The following AGPAT4 variants were observed in gnomAD, a reference collection of about 807,000 sequenced individuals.
The protein encoded by AGPAT4 is 1-acyl-sn-glycerol-3-phosphate acyltransferase delta.
A neutral mutation model predicts 48.0 loss-of-function variants in AGPAT4; 15 were observed. The ratio of observed to expected loss-of-function variants is 0.31; its 90% confidence interval spans 0.21 to 0.48. AGPAT4 has a LOEUF of 0.48. Among genes scored for constraint, AGPAT4 ranks in the 20% least tolerant of loss-of-function variants. The pLI, the probability that AGPAT4 is intolerant of heterozygous loss-of-function variation, is 0.99. For missense variants in AGPAT4, 314 were observed against 482.5 expected (o/e 0.65, Z 3.27); for synonymous variants, 178 against 198.7 (o/e 0.90, Z 0.88).
At position 161,146,674 on chromosome 6, in the gene AGPAT4, G is replaced by A. The variant is rs1779440942; in HGVS notation, c.768-75C>T. ...ACATACAGTTTCCAGTAACGGTGCT[G>A]CCGTTTTTTGTTTTTATCTGGGTCA... On this transcript the variant is annotated intron_variant, in intron 6 of 8. Transcript: ENST00000320285. The surrounding 1 kb of genome is among the most constrained non-coding windows in gnomAD (Gnocchi z 7.1). 1 of 1,435,404 alleles carries A rather than the reference G, an allele frequency of 7.0e-7. No homozygotes were observed. Among genetic ancestry groups the A allele is most frequent in the South Asian group, 1.2e-5 (1 of 85,730 alleles). 88.9% of individuals were successfully genotyped at this position (1,435,404 alleles called of 1,614,324 possible).
chr6:161,228,709 A>C (rs1389161012), intron 2 of AGPAT4, among the ~76,000 whole-genome samples: 1 of 144,618 alleles, frequency 6.9e-6, no homozygotes, highest in Non-Finnish European at 1.5e-5. Context: ...CTAGAGATTA[A>C]ATGGCATATC....
Position 161,195,390 on chromosome 6 carries a change from C to T in AGPAT4, c.179-28973G>A, listed in dbSNP as rs910112382. Reference sequence around the variant, plus strand: ...CATTGGGCGGGTTATAAACACCTTTCATTATATGGCATGACCTGCAAGGAA... The same window carrying T: ...CATTGGGCGGGTTATAAACACCTTTTATTATATGGCATGACCTGCAAGGAA... On this transcript the variant is annotated intron_variant, in intron 2 of 8. Coordinates refer to ENST00000320285, the MANE Select transcript of AGPAT4 (RefSeq NM_020133.3). This position sits in a 1 kb window ranked among gnomAD's most constrained non-coding sequence, Gnocchi z 5.0. Among the ~76,000 whole-genome samples, 3 of 152,174 alleles carry T rather than the reference C, an allele frequency of 2.0e-5. No homozygotes were observed. Among genetic ancestry groups the T allele is most frequent in the African/African-American group, 4.8e-5 (2 of 41,450 alleles).
chr6:161,248,469 G>A (rs1782723207), intron 1 of AGPAT4, among the ~76,000 whole-genome samples: 1 of 151,158 alleles, frequency 6.6e-6, no homozygotes, highest in Non-Finnish European at 1.5e-5. Context: ...AGCTCCTCGT[G>A]AGGCTGAGGC....
In AGPAT4 at chr6:161,145,832, T is replaced by C. The variant is rs1381575257; in HGVS notation, c.843+692A>G. The stretch of plus-strand genomic sequence containing the variant: ...ATGACTTGTTTGGGTTTAAAACATA[T>C]GGTGAATCAGAAATAATTTTTTACT... On this transcript the variant is annotated intron_variant, in intron 7 of 8. Transcript: ENST00000320285. 2.0e-5 allele frequency among the ~76,000 whole-genome samples: 3 copies of C among 151,706 alleles called. 1 individual carries two copies. Among genetic ancestry groups the C allele is most frequent in the African/African-American group, 4.9e-5 (2 of 40,964 alleles).
intron 2 of AGPAT4, among the ~76,000 whole-genome samples, chr6:161,187,943 A>T (rs1300818535): frequency 1.3e-5 from 2 of 152,216 alleles, no homozygotes; most frequent in Non-Finnish European, 2.9e-5. Context: ...TACCTGCTCT[A>T]AATTTTCATC....
At position 161,221,073 on chromosome 6, in the gene AGPAT4, G is replaced by A. The variant is rs969930081; in HGVS notation, c.178+10963C>T. On this transcript the variant is annotated intron_variant, in intron 2 of 8. Transcript: ENST00000320285. This position sits in a 1 kb window ranked among gnomAD's most constrained non-coding sequence, Gnocchi z 4.5. ...TGCTGGATTACAGGCATGAGCCACC[G>A]CACCCGGCCCCAGACAGCATATTTA... Among the ~76,000 whole-genome samples the A allele has an allele frequency of 1.5e-4, 23 of 152,068 alleles. No individual in the cohort carries two copies. Among genetic ancestry groups the A allele is most frequent in the African/African-American group, 3.4e-4 (14 of 41,426 alleles).
chr6:161,197,537 C>G lies in AGPAT4; in HGVS notation c.179-31120G>C, dbSNP rs761718943. 4.7e-4 allele frequency among the ~76,000 whole-genome samples: 72 copies of G among 152,318 alleles called. No individual in the cohort carries two copies. The highest frequency in any genetic ancestry group is 2.9e-4 in the Non-Finnish European group (20 of 68,026). On this transcript the variant is annotated intron_variant, in intron 2 of 8. Transcript: ENST00000320285. The surrounding 1 kb of genome is among the most constrained non-coding windows in gnomAD (Gnocchi z 5.7). ...GGCTCTCTCTCCTCCTGCCTCAGCC[C>G]TCTAGGAATGTACCGACTGATGTAC... is the stretch of plus-strand genomic sequence containing the variant.
rs12202278 is a variant in AGPAT4, at chr6:161,234,918, C to G, written c.-89-2616G>C. Among the ~76,000 whole-genome samples the G allele has an allele frequency of 2.6e-5, 4 of 151,668 alleles. No homozygotes were observed. The South Asian group carries it at 8.3e-4, about 32-fold the overall frequency. On this transcript the variant is annotated intron_variant, in intron 1 of 8. Coordinates refer to ENST00000320285, the MANE Select transcript of AGPAT4 (RefSeq NM_020133.3). This position sits in a 1 kb window ranked among gnomAD's most constrained non-coding sequence, Gnocchi z 4.4. ...ATTTCAAGGTAAATTGAAATTTTACCGTGCGTAAAACCCTCACTAGCAATG... is the reference window on the plus strand; with the variant it reads ...ATTTCAAGGTAAATTGAAATTTTACGGTGCGTAAAACCCTCACTAGCAATG...
rs1015105586 is a variant in AGPAT4 at position 161,159,648 on chromosome 6, TTC to T, written c.349-5340_349-5339del. Among the ~76,000 whole-genome samples, 3 of 152,320 alleles carry T rather than the reference TTC, an allele frequency of 2.0e-5. No homozygotes were observed. Among genetic ancestry groups the T allele is most frequent in the African/African-American group, 7.2e-5 (3 of 41,576 alleles). ...GTTCATCAAAAGGTGAGAGACTCCA[TTC>T]TCTTTTTTTTGAGACGAAGTTTCAC... On this transcript the variant is annotated intron_variant, in intron 3 of 8. Transcript: ENST00000320285. This position sits in a 1 kb window ranked among gnomAD's most constrained non-coding sequence, Gnocchi z 4.1.
rs939346032 is a variant in AGPAT4, at chr6:161,233,678, C to A, written c.-89-1376G>T. ...TAGGCCTTGTGTAAGATGATTTGGC[C>A]TAACTGTAGGCTAACGTAAATGTGC... On this transcript the variant is annotated intron_variant, in intron 1 of 8. Coordinates refer to ENST00000320285, the MANE Select transcript of AGPAT4 (RefSeq NM_020133.3). The surrounding 1 kb of genome is among the most constrained non-coding windows in gnomAD (Gnocchi z 5.4). 6.6e-6 allele frequency among the ~76,000 whole-genome samples: 1 copy of A among 152,190 alleles called. No homozygotes were observed. The highest frequency in any genetic ancestry group is 1.5e-5 in the Non-Finnish European group (1 of 68,036).
In AGPAT4 at chr6:161,201,932, T is replaced by C. The variant is rs1781250034; in HGVS notation, c.178+30104A>G. 6.6e-6 allele frequency among the ~76,000 whole-genome samples: 1 copy of C among 152,198 alleles called. No individual in the cohort carries two copies. Among genetic ancestry groups the C allele is most frequent in the South Asian group, 2.1e-4 (1 of 4,826 alleles). ...CACATTAGATGTGTGAACTTTGATA[T>C]GCCAAGTAGGATGCCAGTAAGAAAG... On this transcript the variant is annotated intron_variant, in intron 2 of 8. Coordinates refer to ENST00000320285, the MANE Select transcript of AGPAT4 (RefSeq NM_020133.3). This position sits in a 1 kb window ranked among gnomAD's most constrained non-coding sequence, Gnocchi z 6.0.
chr6:161,187,087 G>A (rs1251601177), intron 2 of AGPAT4, among the ~76,000 whole-genome samples: 1 of 152,172 alleles, frequency 6.6e-6, no homozygotes, highest in Non-Finnish European at 1.5e-5. Flanking sequence ...TGTTTTATCT[G>A]TAAAAATGGA....
intron 2 of AGPAT4, among the ~76,000 whole-genome samples, chr6:161,167,535 AT>A (rs1780138978): frequency 6.6e-6 from 1 of 152,050 alleles, no homozygotes; most frequent in Admixed American, 6.5e-5. Flanking sequence ...TGTGCCCCCC[AT>A]TTTTAATCAC....
chr6:161,194,893 G>T (rs1278950297), intron 2 of AGPAT4, among the ~76,000 whole-genome samples: 1 of 152,152 alleles, frequency 6.6e-6, no homozygotes, highest in Non-Finnish European at 1.5e-5. Flanking sequence ...TTCCATGGAT[G>T]ATCTGATACA....
At chr6:161,186,296 G>A (rs2114997244) in intron 2 of AGPAT4, among the ~76,000 whole-genome samples, 1 of 152,272 alleles carries the variant, frequency 6.6e-6, no homozygotes, top group South Asian at 2.1e-4. Context: ...CTGGGAATCA[G>A]ACTCTGGAAC....
chr6:161,172,531 G>A (rs1237488156), intron 2 of AGPAT4, among the ~76,000 whole-genome samples: 2 of 152,174 alleles, frequency 1.3e-5, no homozygotes, highest in Non-Finnish European at 2.9e-5. Context: ...AAGGCCAGCT[G>A]GACAGAAAGG....
At chr6:161,179,117 T>G (rs1236959396) in intron 2 of AGPAT4, among the ~76,000 whole-genome samples, 1 of 152,210 alleles carries the variant, frequency 6.6e-6, no homozygotes, top group Non-Finnish European at 1.5e-5. Flanking sequence ...AACCATTGCC[T>G]GCTATTCAGG....
rs375823134 is a variant in AGPAT4 at position 161,252,662 on chromosome 6, A to T, written c.-89-20360T>A. 2.9e-3 allele frequency among the ~76,000 whole-genome samples: 443 copies of T among 152,192 alleles called. 2 individuals carry two copies. The highest frequency in any genetic ancestry group is 0.01 in the African/African-American group (419 of 41,528). On this transcript the variant is annotated intron_variant, in intron 1 of 8. Coordinates refer to ENST00000320285, the MANE Select transcript of AGPAT4 (RefSeq NM_020133.3). Reference sequence around the variant, plus strand: ...ACATGGTGACAAAAAATACAAAAATAAGCTGGTCATGGTGGTGCACATCTG... The same window carrying T: ...ACATGGTGACAAAAAATACAAAAATTAGCTGGTCATGGTGGTGCACATCTG...
At position 161,206,591 on chromosome 6, in the gene AGPAT4, G is replaced by A. The variant is rs116651925; in HGVS notation, c.178+25445C>T. On this transcript the variant is annotated intron_variant, in intron 2 of 8. Transcript: ENST00000320285. This position sits in a 1 kb window ranked among gnomAD's most constrained non-coding sequence, Gnocchi z 4.8. The stretch of plus-strand genomic sequence containing the variant: ...AAAACAAGTTTAAGTAAGACCTACC[G>A]TCTAATAACATAATTCTCCAAATGT... Among the ~76,000 whole-genome samples, 903 of 152,170 alleles carry A rather than the reference G, an allele frequency of 5.9e-3. 8 individuals are homozygous for A. The highest frequency in any genetic ancestry group is 0.02 in the African/African-American group (851 of 41,516).
Sources: gnomAD v4.1 joint callset for allele counts (sites outside exome capture counted in the v4.1 genomes callset) on GRCh38, gnomAD v4.1.1 for gene constraint, Gnocchi (gnomAD v3.1) non-coding constraint, MANE v1.5 for transcripts, NCBI Gene and HGNC (gene_info 2026-07-23, HGNC 2026-07-21) for gene names.